The following PCDHA8 variants were observed in gnomAD, a reference collection of about 807,000 sequenced individuals.
PCDHA8 encodes protocadherin alpha 8.
PCDHA8 carries 53 observed loss-of-function variants against 61.8 expected under a neutral mutation model. The ratio of observed to expected loss-of-function variants is 0.86; its 90% CI spans 0.69 to 1.08. PCDHA8 has a LOEUF of 1.08. PCDHA8 is among the 50% of genes least tolerant of loss of function. PCDHA8 has a pLI of 0.00. For synonymous variants in PCDHA8, 618 were observed against 556.6 expected (o/e 1.11, Z -1.55); for missense variants, 1,293 against 1,245.0 (o/e 1.04, Z -0.58).
chr5:140,961,622 A>G (rs2095624628), intron 1 of PCDHA8, among the ~76,000 whole-genome samples: 1 of 152,218 alleles, frequency 6.6e-6, no homozygotes, highest in Non-Finnish European at 1.5e-5. Flanking sequence ...AAGTGCCCAT[A>G]TGAAAAACAA....
chr5:140,927,427 G>C, intron 1 of PCDHA8: 2 of 1,614,114 alleles, frequency 1.2e-6, no homozygotes, highest in African/African-American at 1.3e-5. Flanking sequence ...GCGGGTTGAC[G>C]GCAGCGAATA....
At chr5:140,854,380 A>G (rs2043104788) in intron 1 of PCDHA8, 1 of 155,922 alleles carries the variant, frequency 6.4e-6, no homozygotes, top group African/African-American at 2.4e-5. Context: ...TACATAACTC[A>G]TTACATTTTA....
chr5:140,925,203 A>G (rs1201965893), intron 1 of PCDHA8, among the ~76,000 whole-genome samples: 4 of 152,310 alleles, frequency 2.6e-5, no homozygotes, highest in South Asian at 4.1e-4. Flanking sequence ...TTCAATAATT[A>G]TCGATACTTT....
rs1412430465 is a variant in PCDHA8 at position 141,010,516 on chromosome 5, A to C, written c.*579A>C. On this transcript the variant is annotated 3_prime_UTR_variant, in exon 4 of 4. Transcript: ENST00000531613. ...CCAGACTTTCTAAATCTTACAACTC[A>C]AGAGGTGGCAGCCACCCTCTAGGAG... 4.2e-6 allele frequency: 2 copies of C among 477,698 alleles called. No individual in the cohort carries two copies. The highest frequency in any genetic ancestry group is 7.8e-5 in the Admixed American group (2 of 25,754). The allele number at this position is 477,698 out of a possible 1,614,324, so 29.6% of individuals were successfully genotyped here.
rs539246204 is a variant in PCDHA8 at position 140,883,140 on chromosome 5, A to G, written c.2394+39425A>G. On this transcript the variant is annotated intron_variant, in intron 1 of 3. Coordinates refer to ENST00000531613, the MANE Select transcript of PCDHA8 (RefSeq NM_018911.3). The stretch of plus-strand genomic sequence containing the variant: ...AGGCCTGTATGGCCTGCAGTGGTAT[A>G]TGCATTTACCATAAATCCGAACAAT... 9 of 1,614,118 alleles carry G rather than the reference A, an allele frequency of 5.6e-6. No individual in the cohort carries two copies. The South Asian group carries it at 9.9e-5, about 18-fold the overall frequency.
intron 1 of PCDHA8, chr5:140,869,064 A>G (rs782442864): frequency 1.9e-6 from 3 of 1,559,452 alleles, no homozygotes; most frequent in East Asian, 4.5e-5. Flanking sequence ...TGGTACTGTA[A>G]GTGTAAAGAA....
chr5:140,879,204 G>A (rs1041591784), intron 1 of PCDHA8, among the ~76,000 whole-genome samples: 3 of 152,328 alleles, frequency 2.0e-5, no homozygotes, highest in Admixed American at 6.5e-5. Flanking sequence ...AATTATGGCA[G>A]TAGAAATGAA....
rs145391750 is a variant in PCDHA8, at chr5:140,989,649, A to G, written c.2542+7086A>G. On this transcript the variant is annotated intron_variant, in intron 3 of 3. Coordinates refer to ENST00000531613, the MANE Select transcript of PCDHA8 (RefSeq NM_018911.3). ...GTGACAGCAAGGGTCTTTCATGGCA[A>G]TATTTTAAAAGAAACTCTGCCCAGA... 1.8e-3 allele frequency among the ~76,000 whole-genome samples: 268 copies of G among 152,316 alleles called. 1 individual carries two copies. The highest frequency in any genetic ancestry group is 6.3e-3 in the African/African-American group (263 of 41,564).
intron 1 of PCDHA8, chr5:140,854,524 C>T (rs1220385144): frequency 6.7e-6 from 1 of 149,864 alleles, no homozygotes; most frequent in Non-Finnish European, 1.5e-5. Flanking sequence ...TTAAGTGACA[C>T]CCATTTCTGT....
chr5:140,875,422 AG>A (rs1554167622), intron 1 of PCDHA8: 1 of 1,524,010 alleles, frequency 6.6e-7, no homozygotes, highest in Non-Finnish European at 8.8e-7. Context: ...ACCTCAGGCA[AG>A]CGATCCCTTA....
Position 140,857,975 on chromosome 5 carries a change from C to T in PCDHA8, c.2394+14260C>T, listed in dbSNP as rs782181380. The T allele has an allele frequency of 7.5e-6, 12 of 1,596,906 alleles. 2 individuals are homozygous for T. In the Admixed American group the frequency reaches 1.0e-4, roughly 14 times the overall value. On this transcript the variant is annotated intron_variant, in intron 1 of 3. Coordinates refer to ENST00000531613, the MANE Select transcript of PCDHA8 (RefSeq NM_018911.3). ...CGCTCTGGATGAGACTGACTCGCCA[C>T]GCCAGCGCCTACTGGTGCTGGTGAA...
chr5:140,945,948 C>T (rs782232521), intron 1 of PCDHA8, among the ~76,000 whole-genome samples: 6 of 151,900 alleles, frequency 3.9e-5, no homozygotes, highest in Non-Finnish European at 5.9e-5. Context: ...TTTTATATGA[C>T]CCTGAAAGCA....
chr5:140,973,639 T>C (rs1563426866), intron 1 of PCDHA8, among the ~76,000 whole-genome samples: 2 of 152,362 alleles, frequency 1.3e-5, no homozygotes, highest in East Asian at 3.9e-4. Context: ...GTACACATTC[T>C]GACTGAAGAA....
chr5:140,854,042 G>A lies in PCDHA8; in HGVS notation c.2394+10327G>A, dbSNP rs1005442587. 1.8e-5 allele frequency: 5 copies of A among 285,684 alleles called. 1 individual carries two copies. The highest frequency in any genetic ancestry group is 2.7e-5 in the Non-Finnish European group (5 of 185,908). The allele number at this position is 285,684 out of a possible 1,614,324, so 17.7% of individuals were successfully genotyped here. A position where few individuals can be genotyped will look rare whatever the true frequency, so the allele number is the denominator to read the frequency against. On this transcript the variant is annotated intron_variant, in intron 1 of 3. Coordinates refer to ENST00000531613, the MANE Select transcript of PCDHA8 (RefSeq NM_018911.3). ...CCGGGCATGGTGGCACACATCTCTA[G>A]TCCCAATTACTCAGGAGGCTGAGGC...
chr5:140,857,375 G>C, intron 1 of PCDHA8: 1 of 1,598,360 alleles, frequency 6.3e-7, no homozygotes. Flanking sequence ...CGTGTCTGTG[G>C]AGGTGGCCGA....
At position 140,996,204 on chromosome 5, in the gene PCDHA8, A is replaced by G. The variant is rs1405552013; in HGVS notation, c.2543-13423A>G. ...TCCATTTTATACCCTCAATGCAAGG[A>G]TATCACTACTTGTCTAGAAATGGTT... On this transcript the variant is annotated intron_variant, in intron 3 of 3. Coordinates refer to ENST00000531613, the MANE Select transcript of PCDHA8 (RefSeq NM_018911.3). Among the ~76,000 whole-genome samples the G allele has an allele frequency of 7.2e-5, 11 of 152,240 alleles. No homozygotes were observed. The South Asian group carries it at 2.3e-3, about 32-fold the overall frequency.
intron 1 of PCDHA8, chr5:140,876,583 C>T: frequency 1.9e-6 from 3 of 1,614,194 alleles, no homozygotes; most frequent in Non-Finnish European, 2.5e-6. Flanking sequence ...CGTCATTGCC[C>T]TGATTAGCGT....
At chr5:140,904,280 G>A in intron 1 of PCDHA8, among the ~76,000 whole-genome samples, 1 of 151,848 alleles carries the variant, frequency 6.6e-6, no homozygotes, top group Non-Finnish European at 1.5e-5. Flanking sequence ...GAGAACATGT[G>A]GTGTTTGGTT....
Position 140,841,522 on chromosome 5 carries a change from G to A in PCDHA8, c.201G>A (p.Ala67=), listed in dbSNP as rs2150317350. 1 of 1,613,598 alleles carries A rather than the reference G, an allele frequency of 6.2e-7. No homozygotes were observed. The highest frequency in any genetic ancestry group is 1.1e-5 in the South Asian group (1 of 91,052). ...TGGTGCCGCGCCTGTTCCGGGTGGC[G>A]TCCAAAAGACACCGGGACCTTCTGG... ...AELVPRLFRV[A]SKRHRDLLEV... The change falls in exon 1 of 4, where the codon GCG becomes GCA. Residue 67 remains alanine (A), a synonymous_variant. Transcript: ENST00000531613.
Sources: gnomAD v4.1 joint callset for allele counts (sites outside exome capture counted in the v4.1 genomes callset) on GRCh38, gnomAD v4.1.1 for gene constraint, MANE v1.5 for transcripts, NCBI Gene and HGNC (gene_info 2026-07-23, HGNC 2026-07-21) for gene names.